CERS5: variants seen among roughly 807,000 people sequenced by gnomAD.
CERS5 encodes the protein ceramide synthase 5.
CERS5 carries 37 observed loss-of-function variants against 58.9 expected under a neutral mutation model. That is an observed-to-expected ratio of 0.63 (90% CI 0.48 to 0.83). CERS5 has a LOEUF of 0.83. Ranked by LOEUF, CERS5 falls within the 40% of genes least tolerant of loss-of-function variation. CERS5 has a pLI of 0.00. For missense variants in CERS5, 398 were observed against 489.3 expected (o/e 0.81, Z 1.76); for synonymous variants, 147 against 177.8 (o/e 0.83, Z 1.38).
At chr12:50,144,807 A>T in intron 1 of CERS5, 1 of 1,527,542 alleles carries the variant, frequency 6.5e-7, no homozygotes, top group Non-Finnish European at 8.8e-7. Context: ...AGAAGAGGTT[A>T]TATCAAGCAG....
chr12:50,144,174 T>G, intron 1 of CERS5, 117 bp from the exon 2 acceptor site: 139 of 587,402 alleles, frequency 2.4e-4, no homozygotes, highest in Middle Eastern at 9.5e-4. Flanking sequence ...CATGTATACA[T>G]AGTATAATGA....
intron 9 of CERS5, among the ~76,000 whole-genome samples, chr12:50,131,359 G>A (rs1565760832): frequency 6.6e-6 from 1 of 152,088 alleles, no homozygotes; most frequent in African/African-American, 2.4e-5. Flanking sequence ...AGGAGTTTGA[G>A]ACCAGCCTGA....
intron 6 of CERS5, 30 bp from the exon 7 acceptor site, chr12:50,136,099 G>T: frequency 6.9e-7 from 1 of 1,448,860 alleles, no homozygotes. Flanking sequence ...GAAGAGGGAG[G>T]TAAAAGCTGG....
chr12:50,137,856 A>G (rs1951770136), intron 5 of CERS5, 36 bp from the exon 6 acceptor site: 4 of 1,377,164 alleles, frequency 2.9e-6, no homozygotes, highest in South Asian at 2.4e-5. Flanking sequence ...ATTACCGGCT[A>G]GTCAAAGGTG....
Position 50,134,688 on chromosome 12 carries a change from G to A in CERS5, c.887C>T (p.Thr296Ile). The A allele has an allele frequency of 6.2e-7, 1 of 1,613,730 alleles. No homozygotes were observed. The highest frequency in any genetic ancestry group is 1.1e-5 in the South Asian group (1 of 91,054). Residue 296 changes from threonine (T) to isoleucine (I), a missense_variant, in exon 9 of 10, where the codon ACC (threonine) becomes ATC (isoleucine). Physicochemically the swap from Thr to Ile is moderately conservative, Grantham distance 89. This residue lies in a region of CERS5 where 328 missense variants were observed against 384.5 expected (regional missense o/e 0.85). Transcript: ENST00000317551. ...GIYPFWILNT[T>I]LFESWEIIGP... ...GATTATCTCCCAACTCTCAAAGAGG[G>A]TCGTGTTCAGAATCCTAGAAGAGGG... is the stretch of plus-strand genomic sequence containing the variant.
chr12:50,134,429 C>G lies in CERS5; in HGVS notation c.1029+117G>C, dbSNP rs1251606397. ...GAGGCGAAGACTTTGGAGCCCTAGG[C>G]TTTTTGCTTGGCCTGCTTGAGTAGA... On this transcript the variant is annotated intron_variant, in intron 9 of 9. Coordinates refer to ENST00000317551, the MANE Select transcript of CERS5 (RefSeq NM_147190.5). 2.5e-6 allele frequency: 4 copies of G among 1,605,902 alleles called. No homozygotes were observed. In the East Asian group the frequency reaches 8.9e-5, roughly 36 times the overall value.
chr12:50,130,063 C>T lies in CERS5; in HGVS notation c.*482G>A, dbSNP rs1437726697. Reference sequence around the variant, plus strand: ...TACAACTTCATCATGTGACATATTCCAGCTGTGAAAGAGGAACAGTACAGA... The same window carrying T: ...TACAACTTCATCATGTGACATATTCTAGCTGTGAAAGAGGAACAGTACAGA... On this transcript the variant is annotated 3_prime_UTR_variant, in exon 10 of 10. Transcript: ENST00000317551. 6.5e-6 allele frequency: 1 copy of T among 153,096 alleles called. No individual in the cohort carries two copies. 9.5% of individuals were successfully genotyped at this position (153,096 alleles called of 1,614,324 possible). A position where few individuals can be genotyped will look rare whatever the true frequency, so the allele number is the denominator to read the frequency against.
At chr12:50,145,438 T>A (rs969334597) in intron 1 of CERS5, among the ~76,000 whole-genome samples, 1 of 152,288 alleles carries the variant, frequency 6.6e-6, no homozygotes, top group South Asian at 2.1e-4. Flanking sequence ...AGTCCCATAA[T>A]GAAAATATGA....
chr12:50,132,105 T>TAA (rs35268757), intron 9 of CERS5, among the ~76,000 whole-genome samples: 2 of 137,882 alleles, frequency 1.5e-5, no homozygotes, highest in East Asian at 2.2e-4. Context: ...ACCTTGTCTC[T>TAA]AAAAAAAAAA....
At chr12:50,148,236 G>A (rs932659484) in intron 1 of CERS5, among the ~76,000 whole-genome samples, 6 of 151,860 alleles carry the variant, frequency 4.0e-5, no homozygotes, top group African/African-American at 9.7e-5. Flanking sequence ...CTGGGAGGTC[G>A]AGGCTGCAGT....
intron 1 of CERS5, among the ~76,000 whole-genome samples, chr12:50,164,055 A>G (rs566656431): frequency 1.3e-5 from 2 of 150,076 alleles, no homozygotes; most frequent in African/African-American, 2.5e-5. Flanking sequence ...TGCCTCTCCA[A>G]CTCAAGCAAT....
intron 1 of CERS5, chr12:50,148,524 G>A (rs1452825148): frequency 3.0e-6 from 1 of 332,838 alleles, no homozygotes; most frequent in Non-Finnish European, 6.3e-6. Flanking sequence ...TTGAACTCGG[G>A]AGACAGAGGT....
chr12:50,167,268 G>A lies in CERS5; in HGVS notation c.30C>T (p.Ser10=), dbSNP rs1331702191. ...CGCTCCACAGCCAGCCCCACAGCAA[G>A]CTTAGGGGTCCCTGCGCTGCTGTCG... MATAAQGPL[S]LLWGWLWSER... is the part of the protein sequence containing the mutation. Residue 10 remains serine (S), a synonymous_variant, in exon 1 of 10, where the codon AGC becomes AGT. Coordinates refer to ENST00000317551, the MANE Select transcript of CERS5 (RefSeq NM_147190.5). 6.4e-7 allele frequency: 1 copy of A among 1,574,588 alleles called. No individual in the cohort carries two copies. The highest frequency in any genetic ancestry group is 1.4e-5 in the African/African-American group (1 of 70,290).
At chr12:50,146,328 TG>T (rs1468585716) in intron 1 of CERS5, among the ~76,000 whole-genome samples, 1 of 152,228 alleles carries the variant, frequency 6.6e-6, no homozygotes, top group African/African-American at 2.4e-5. Context: ...TATTTCAGTC[TG>T]GGTACTCTCT....
At chr12:50,151,962 A>G (rs774387130) in intron 1 of CERS5, among the ~76,000 whole-genome samples, 7 of 152,154 alleles carry the variant, frequency 4.6e-5, no homozygotes, top group Non-Finnish European at 1.0e-4. Context: ...AACTACTAAT[A>G]TTATCAAATA....
At chr12:50,145,617 G>C (rs1038536086) in intron 1 of CERS5, among the ~76,000 whole-genome samples, 2 of 151,944 alleles carry the variant, frequency 1.3e-5, no homozygotes, top group Non-Finnish European at 2.9e-5. Flanking sequence ...TATTTATTCA[G>C]AGCATAAATT....
In CERS5 at chr12:50,135,792, G is replaced by A; in HGVS notation, c.812C>T (p.Thr271Ile). ...AACAGCACTGAAGATCACAAAAAGG[G>A]TGTCACAGAGCCGCTGATACTTGGC... ...NYAKYQRLCD[T>I]LFVIFSAVFM... The change falls in exon 8 of 10, where the codon ACC (threonine) becomes ATC (isoleucine). Residue 271 changes from threonine to isoleucine, a missense_variant. Thr to Ile is a moderately conservative substitution (Grantham distance 89). This residue lies in a region of CERS5 where 328 missense variants were observed against 384.5 expected (regional missense o/e 0.85). Coordinates refer to ENST00000317551, the MANE Select transcript of CERS5 (RefSeq NM_147190.5). 6.2e-7 allele frequency: 1 copy of A among 1,614,106 alleles called. No homozygotes were observed.
At chr12:50,159,419 C>T (rs35549836) in intron 1 of CERS5, among the ~76,000 whole-genome samples, 44,416 of 152,066 alleles carry the variant, frequency 0.29, 7,594 homozygotes, top group Middle Eastern at 0.4. Flanking sequence ...ACTAAAATGT[C>T]TTAGATTCAT....
rs140479062 is a variant in CERS5, at chr12:50,143,139, T to C, written c.369A>G (p.Gln123=). The C allele has an allele frequency of 3.7e-6, 6 of 1,614,136 alleles. No individual in the cohort carries two copies. Among genetic ancestry groups the C allele is most frequent in the Middle Eastern group, 1.7e-4 (1 of 6,060 alleles). ...GATTCCTCCGATGGCGAAACCAGCA[T>C]TGGATTTTTCGGACATTCCAATCCA... The part of the protein sequence containing the change: ...KQLDWNVRKI[Q]CWFRHRRNQD... Residue 123 remains glutamine, a synonymous_variant, in exon 3 of 10, where the codon CAA becomes CAG. Transcript: ENST00000317551.
Sources: gnomAD v4.1 joint callset for allele counts (sites outside exome capture counted in the v4.1 genomes callset) on GRCh38, gnomAD v4.1.1 for gene constraint, gnomAD v4.1.1 regional missense constraint, MANE v1.5 for transcripts, NCBI Gene and HGNC (gene_info 2026-07-23, HGNC 2026-07-21) for gene names.